COL25A1: variants seen among roughly 807,000 people sequenced by gnomAD.
The protein encoded by COL25A1 is collagen alpha-1(XXV) chain.
Under a neutral mutation model 128.4 loss-of-function variants are expected in COL25A1, and 103 were observed. That is an observed-to-expected ratio of 0.80 (90% CI 0.68 to 0.94). COL25A1 has a LOEUF of 0.94. Among genes scored for constraint, COL25A1 ranks in the 40% least tolerant of loss-of-function variants. The probability of loss-of-function intolerance (pLI) is 0.00; values close to 1 mark genes in which losing one functional copy is unlikely to be tolerated. For missense variants in COL25A1, 745 were observed against 840.0 expected (o/e 0.89, Z 1.40); for synonymous variants, 279 against 277.2 (o/e 1.01, Z -0.06).
At chr4:109,048,520 T>G (rs1371633682) in intron 4 of COL25A1, among the ~76,000 whole-genome samples, 1 of 152,196 alleles carries the variant, frequency 6.6e-6, no homozygotes, top group Non-Finnish European at 1.5e-5. Flanking sequence ...TAATTTATGA[T>G]AGACCAGTTA....
chr4:109,024,189 G>A (rs1257250381), intron 5 of COL25A1, among the ~76,000 whole-genome samples: 1 of 151,972 alleles, frequency 6.6e-6, no homozygotes. Context: ...AGCTATGATG[G>A]GCAGTAGGTT....
intron 5 of COL25A1, among the ~76,000 whole-genome samples, chr4:109,031,269 G>A (rs1025200839): frequency 3.9e-5 from 6 of 152,130 alleles, no homozygotes; most frequent in South Asian, 2.1e-4. Flanking sequence ...CTGCCACCGC[G>A]CCCGGCTAAT....
At chr4:108,929,822 T>C (rs931669831) in intron 11 of COL25A1, among the ~76,000 whole-genome samples, 3 of 152,056 alleles carry the variant, frequency 2.0e-5, no homozygotes, top group Non-Finnish European at 2.9e-5. Flanking sequence ...CAAGACCCTG[T>C]CTCTAAAACA....
chr4:108,829,667 T>A (rs1466530260), intron 32 of COL25A1, among the ~76,000 whole-genome samples: 3 of 152,190 alleles, frequency 2.0e-5, no homozygotes, highest in Admixed American at 2.0e-4. Flanking sequence ...ACAAATATAC[T>A]ATGGCTTATT....
chr4:109,036,168 C>G (rs984353280), intron 5 of COL25A1, among the ~76,000 whole-genome samples: 3 of 152,016 alleles, frequency 2.0e-5, no homozygotes, highest in Non-Finnish European at 4.4e-5. Flanking sequence ...ACCTCATGAT[C>G]CGCCCACCTC....
At chr4:109,122,088 A>G (rs1768153791) in intron 3 of COL25A1, among the ~76,000 whole-genome samples, 1 of 152,128 alleles carries the variant, frequency 6.6e-6, no homozygotes, top group Admixed American at 6.6e-5. Context: ...CTATGGAGAC[A>G]GCAAAAAGAT....
intron 8 of COL25A1, 60 bp downstream of exon 8, chr4:108,974,307 T>C (rs1048531209): frequency 6.4e-7 from 1 of 1,573,626 alleles, no homozygotes; most frequent in Non-Finnish European, 8.7e-7. Context: ...GGTACTTTCA[T>C]TCAATAAACT....
chr4:109,113,623 T>TAAAGCTGTTTG (rs745411710), intron 3 of COL25A1, among the ~76,000 whole-genome samples: 1 of 151,992 alleles, frequency 6.6e-6, no homozygotes, highest in Admixed American at 6.6e-5. Context: ...TTATGGTAAA[T>TAAAGCTGTTTG]TGGGCAATAA....
chr4:109,278,192 T>G (rs1326969312), intron 3 of COL25A1, among the ~76,000 whole-genome samples: 2 of 152,088 alleles, frequency 1.3e-5, no homozygotes, highest in Admixed American at 6.5e-5. Flanking sequence ...AGCATATCTA[T>G]TCAGGTCACC....
At chr4:109,088,307 T>C (rs1464740253) in intron 3 of COL25A1, among the ~76,000 whole-genome samples, 1 of 152,158 alleles carries the variant, frequency 6.6e-6, no homozygotes, top group African/African-American at 2.4e-5. Flanking sequence ...GGAGCAGGTA[T>C]GGGGCATGGT....
intron 3 of COL25A1, among the ~76,000 whole-genome samples, chr4:109,057,845 A>C (rs909325646): frequency 6.6e-6 from 1 of 152,150 alleles, no homozygotes; most frequent in African/African-American, 2.4e-5. Flanking sequence ...AGTTTAACTG[A>C]TAATTAGTTG....
At chr4:109,238,933 T>A (rs1578517786) in intron 3 of COL25A1, among the ~76,000 whole-genome samples, 1 of 151,804 alleles carries the variant, frequency 6.6e-6, no homozygotes, top group Non-Finnish European at 1.5e-5. Context: ...CTGGTGGGGG[T>A]AGGAGAGTAG....
At chr4:109,082,115 C>T (rs1380790682) in intron 3 of COL25A1, among the ~76,000 whole-genome samples, 4 of 152,140 alleles carry the variant, frequency 2.6e-5, no homozygotes. Flanking sequence ...AAGATTCATC[C>T]ATGTTGTAGC....
At chr4:108,896,123 T>C (rs1203788069) in intron 16 of COL25A1, among the ~76,000 whole-genome samples, 1 of 151,558 alleles carries the variant, frequency 6.6e-6, no homozygotes, top group South Asian at 2.1e-4. Flanking sequence ...TTTTTTTGTA[T>C]TTTTTTAGTA....
chr4:109,234,123 T>C (rs1263666918), intron 3 of COL25A1, among the ~76,000 whole-genome samples: 2 of 152,182 alleles, frequency 1.3e-5, no homozygotes, highest in Non-Finnish European at 2.9e-5. Context: ...GGTAGAAGCC[T>C]ATGTGAACAA....
rs75506715 is a variant in COL25A1, at chr4:108,889,514, C to T, written c.939+187G>A. On this transcript the variant is annotated intron_variant, in intron 17 of 37. Transcript: ENST00000399132. ...ATCAGAAAGGGAAGAGAATGCAAGACTTCTTATTTAAACCTTCATCACATT... is the reference window on the plus strand; with the variant it reads ...ATCAGAAAGGGAAGAGAATGCAAGATTTCTTATTTAAACCTTCATCACATT... 4.6e-3 allele frequency among the ~76,000 whole-genome samples: 692 copies of T among 149,362 alleles called. 13 individuals are homozygous for T. The East Asian group carries it at 0.063, about 14-fold the overall frequency.
chr4:109,108,186 C>T (rs981908669), intron 3 of COL25A1, among the ~76,000 whole-genome samples: 1 of 152,180 alleles, frequency 6.6e-6, no homozygotes, highest in African/African-American at 2.4e-5. Flanking sequence ...CCGGCTCCCC[C>T]CACCCCACAA....
chr4:109,271,056 G>A (rs1782162262), intron 3 of COL25A1, among the ~76,000 whole-genome samples: 1 of 152,132 alleles, frequency 6.6e-6, no homozygotes, highest in Non-Finnish European at 1.5e-5. Flanking sequence ...GCCAGAATTA[G>A]GGCCAGGTCT....
intron 3 of COL25A1, among the ~76,000 whole-genome samples, chr4:109,174,296 G>T (rs1773862963): frequency 6.6e-6 from 1 of 152,006 alleles, no homozygotes; most frequent in South Asian, 2.1e-4. Flanking sequence ...AAATCAGGAG[G>T]GCCTCAAATG....
Sources: allele counts gnomAD v4.1 joint callset (sites outside exome capture counted in the v4.1 genomes callset), GRCh38; gene constraint gnomAD v4.1.1; transcripts MANE v1.5; gene names NCBI Gene and HGNC (gene_info 2026-07-23, HGNC 2026-07-21).